Variants in WNT5A observed in about 807,000 individuals in gnomAD.
WNT5A encodes Wnt family member 5A, also known as protein Wnt-5a.
In WNT5A, 9 loss-of-function variants were observed where a neutral mutation model predicts 42.1. The observed-to-expected ratio is 0.21, with a 90% CI of 0.13 to 0.37. The LOEUF is 0.37. WNT5A is among the 10% of genes least tolerant of loss of function. The pLI is 1.00. For missense variants in WNT5A, 426 were observed against 534.0 expected, an observed-to-expected ratio of 0.80 and a Z score of 1.99; for synonymous variants, 210 against 210.0, an observed-to-expected ratio of 1.00 and a Z score of 0.00.
chr3:55,487,283 G>C lies in WNT5A; in HGVS notation c.-298C>G. 2.3e-6 allele frequency: 1 copy of C among 430,880 alleles called. No homozygotes were observed. Among genetic ancestry groups the C allele is most frequent in the South Asian group, 5.5e-5 (1 of 18,096 alleles). The allele number at this position is 430,880 out of a possible 1,614,324, so 26.7% of individuals were successfully genotyped here. A position where few individuals can be genotyped will look rare whatever the true frequency, so the allele number is the denominator to read the frequency against. On this transcript the variant is annotated 5_prime_UTR_variant, in exon 1 of 5. Coordinates refer to ENST00000264634, the MANE Select transcript of WNT5A (RefSeq NM_003392.7). Reference sequence around the variant, plus strand: ...GGCGCAACTAGGGAGCCGCCGGTCCGGCGAGGGCGCGCAGGCAACTGTTCC... The same window carrying C: ...GGCGCAACTAGGGAGCCGCCGGTCCCGCGAGGGCGCGCAGGCAACTGTTCC...
chr3:55,491,779 C>A (rs1253074133), upstream of WNT5A, among the ~76,000 whole-genome samples: 1 of 152,210 alleles, frequency 6.6e-6, no homozygotes, highest in Non-Finnish European at 1.5e-5. Context: ...CAAACAGGCT[C>A]CATCTTCTGA....
At chr3:55,480,608 T>G (rs2051439036) in intron 2 of WNT5A, among the ~76,000 whole-genome samples, 177 bp downstream of exon 2, 1 of 152,182 alleles carries the variant, frequency 6.6e-6, no homozygotes, top group Non-Finnish European at 1.5e-5. Flanking sequence ...AGCTTTACAA[T>G]ATTAACAAGT....
rs978305498 is a variant in WNT5A at position 55,469,437 on chromosome 3, G to T, written c.*655C>A. The stretch of plus-strand genomic sequence containing the variant: ...CAAATTTCATGAGCTATTAGAATAT[G>T]ACGGTCTGTCTGCAAATGGAATATT... On this transcript the variant is annotated 3_prime_UTR_variant, in exon 5 of 5. Transcript: ENST00000264634. The T allele has an allele frequency of 6.6e-6, 1 of 152,212 alleles. No homozygotes were observed. Among genetic ancestry groups the T allele is most frequent in the Non-Finnish European group, 1.5e-5 (1 of 68,054 alleles). 9.4% of individuals were successfully genotyped at this position (152,212 alleles called of 1,614,324 possible).
intron 3 of WNT5A, among the ~76,000 whole-genome samples, chr3:55,478,571 A>T (rs1006269328): frequency 1.3e-5 from 2 of 152,204 alleles, no homozygotes; most frequent in South Asian, 2.1e-4. Flanking sequence ...CAGATTTTTT[A>T]AAATCTTTGC....
chr3:55,467,049 C>T lies in WNT5A; in HGVS notation c.*3043G>A, dbSNP rs963037529. 6.6e-6 allele frequency: 1 copy of T among 152,254 alleles called. No individual in the cohort carries two copies. Among genetic ancestry groups the T allele is most frequent in the East Asian group, 1.9e-4 (1 of 5,184 alleles). 9.4% of individuals were successfully genotyped at this position (152,254 alleles called of 1,614,324 possible). The stretch of plus-strand genomic sequence containing the variant: ...ATTAATTGCACTTAACACAATGAAC[C>T]TTTAGTTTCCAACCAGTTTTCATTC... On this transcript the variant is annotated 3_prime_UTR_variant, in exon 5 of 5. Coordinates refer to ENST00000264634, the MANE Select transcript of WNT5A (RefSeq NM_003392.7).
upstream of WNT5A, chr3:55,489,736 C>G (rs941709204): frequency 3.3e-5 from 5 of 152,356 alleles, no homozygotes; most frequent in African/African-American, 1.2e-4. Flanking sequence ...CCCTTTACCT[C>G]CTGAGTCTCC....
intron 1 of WNT5A, 94 bp from the exon 2 acceptor site, chr3:55,481,012 G>A: frequency 8.0e-7 from 1 of 1,246,226 alleles, no homozygotes; most frequent in East Asian, 3.0e-5. Flanking sequence ...GGTCTCTTAA[G>A]TTTACTGTTG....
chr3:55,498,424 C>A, the WNT5A span, among the ~76,000 whole-genome samples: 1 of 152,066 alleles, frequency 6.6e-6, no homozygotes. Flanking sequence ...CAGGCCTGTA[C>A]AATAAGGATG....
At chr3:55,481,100 G>C (rs1203291446) in intron 1 of WNT5A, 182 bp from the exon 2 acceptor site, 3 of 718,222 alleles carry the variant, frequency 4.2e-6, no homozygotes, top group Non-Finnish European at 5.8e-6. Context: ...ATCCACCCAC[G>C]CAACCTCACC....
At chr3:55,471,631 G>A (rs560456361) in intron 4 of WNT5A, among the ~76,000 whole-genome samples, 2 of 152,376 alleles carry the variant, frequency 1.3e-5, no homozygotes, top group South Asian at 2.1e-4. Flanking sequence ...CCAGAGTGAC[G>A]AGGACACGGC....
rs1248491152 is a variant in WNT5A at position 55,470,299 on chromosome 3, A to G, written c.936T>C (p.Asn312=). The G allele has an allele frequency of 1.2e-6, 2 of 1,613,898 alleles. No homozygotes were observed. The highest frequency in any genetic ancestry group is 8.5e-7 in the Non-Finnish European group (1 of 1,179,906). The part of the protein sequence containing the change: ...IDPSPDYCVR[N]ESTGSLGTQG... Reference sequence around the variant, plus strand: ...GCGTGCCCAGCGAGCCGGTGCTCTCATTGCGCACGCAGTAGTCAGGGCTGG... The same window carrying G: ...GCGTGCCCAGCGAGCCGGTGCTCTCGTTGCGCACGCAGTAGTCAGGGCTGG... Residue 312 remains asparagine (N), a synonymous_variant, in exon 5 of 5, where the codon AAT becomes AAC. Coordinates refer to ENST00000264634, the MANE Select transcript of WNT5A (RefSeq NM_003392.7).
rs565226114 is a variant in WNT5A, at chr3:55,477,959, T to C, written c.391+1355A>G. Among the ~76,000 whole-genome samples the C allele has an allele frequency of 5.9e-5, 9 of 152,262 alleles. No individual in the cohort carries two copies. In the East Asian group the frequency reaches 7.7e-4, roughly 13 times the overall value. On this transcript the variant is annotated intron_variant, in intron 3 of 4. Transcript: ENST00000264634. The stretch of plus-strand genomic sequence containing the variant: ...GAAGGGGGAAAAGTTACCATCCTCA[T>C]AGAATTTTTCAAAAGTATTTAAGTT...
At chr3:55,498,382 G>A in the WNT5A span, among the ~76,000 whole-genome samples, 10 of 152,116 alleles carry the variant, frequency 6.6e-5, no homozygotes, top group Non-Finnish European at 1.0e-4. Flanking sequence ...CGCGGCTCCC[G>A]CTCTCAAGGA....
At chr3:55,474,289 A>T in intron 4 of WNT5A, 48 bp downstream of exon 4, 1 of 1,609,428 alleles carries the variant, frequency 6.2e-7, no homozygotes, top group Non-Finnish European at 8.5e-7. Context: ...GCTGGAGGGC[A>T]AGGTGAGAAG....
At chr3:55,488,431 G>GA (rs2051615872), upstream of WNT5A, 1 of 147,878 alleles carries the variant, frequency 6.8e-6, no homozygotes, top group South Asian at 2.1e-4. Flanking sequence ...AAAAAAGAAA[G>GA]AAAGAAAGAA....
At chr3:55,474,016 C>T (rs929565685) in intron 4 of WNT5A, among the ~76,000 whole-genome samples, 2 of 152,172 alleles carry the variant, frequency 1.3e-5, no homozygotes, top group East Asian at 3.9e-4. Flanking sequence ...CCAGGAGGCC[C>T]TTCTGGGATG....
upstream of WNT5A, among the ~76,000 whole-genome samples, chr3:55,491,806 G>T (rs1228047780): frequency 1.3e-5 from 2 of 152,198 alleles, no homozygotes; most frequent in African/African-American, 4.8e-5. Context: ...CTAATAAAGA[G>T]CCCCAAGATG....
Position 55,466,735 on chromosome 3 carries a change from G to A in WNT5A, c.*3357C>T, listed in dbSNP as rs1392173012. ...AAAATACGCTGACACTGCTAAATCG[G>A]GTATATGTTTTTGCAATAAAGAACA... is the stretch of plus-strand genomic sequence containing the variant. On this transcript the variant is annotated 3_prime_UTR_variant, in exon 5 of 5. Coordinates refer to ENST00000264634, the MANE Select transcript of WNT5A (RefSeq NM_003392.7). 6.6e-6 allele frequency: 1 copy of A among 152,442 alleles called. No homozygotes were observed. The highest frequency in any genetic ancestry group is 1.5e-5 in the Non-Finnish European group (1 of 68,010). The allele number at this position is 152,442 out of a possible 1,614,324, so 9.4% of individuals were successfully genotyped here.
At chr3:55,481,427 C>A in intron 1 of WNT5A, 8 of 959,046 alleles carry the variant, frequency 8.3e-6, no homozygotes, top group Non-Finnish European at 9.8e-6. Context: ...GCCAAGGAGG[C>A]GGGGTGGCCA....
Sources: gnomAD v4.1 joint callset for allele counts (sites outside exome capture counted in the v4.1 genomes callset) on GRCh38, gnomAD v4.1.1 for gene constraint, MANE v1.5 for transcripts, NCBI Gene and HGNC (gene_info 2026-07-23, HGNC 2026-07-21) for gene names.